CDC25A: variants seen among roughly 807,000 people sequenced by gnomAD.
The protein encoded by CDC25A is cell division cycle 25A.
A neutral mutation model predicts 64.6 loss-of-function variants in CDC25A; 17 were observed. The ratio of observed to expected loss-of-function variants is 0.26; its 90% CI spans 0.18 to 0.39. The LOEUF (loss-of-function observed/expected upper bound fraction) is 0.39. Ranked by LOEUF, CDC25A falls within the 10% of genes least tolerant of loss-of-function variation. The pLI is 1.00. For missense variants in CDC25A, 473 were observed against 654.8 expected, an observed-to-expected ratio of 0.72 and a Z score of 3.03; for synonymous variants, 229 against 238.6, an observed-to-expected ratio of 0.96 and a Z score of 0.37.
At chr3:48,180,862 T>G in intron 5 of CDC25A, 22 bp from the exon 6 acceptor site, 6 of 1,612,954 alleles carry the variant, frequency 3.7e-6, no homozygotes, top group Non-Finnish European at 5.1e-6. Context: ...AGTTGAGACA[T>G]CTACTGTCCA....
At chr3:48,170,594 C>G (rs2032230419) in intron 9 of CDC25A, among the ~76,000 whole-genome samples, 1 of 152,182 alleles carries the variant, frequency 6.6e-6, no homozygotes, top group Non-Finnish European at 1.5e-5. Context: ...TGAACCCTGT[C>G]CTTTCAAGGT....
At chr3:48,160,796 G>A (rs1418596416) in intron 13 of CDC25A, among the ~76,000 whole-genome samples, 1 of 152,118 alleles carries the variant, frequency 6.6e-6, no homozygotes, top group Admixed American at 6.6e-5. Context: ...GCCTTTGTTA[G>A]CTGCTCATGA....
intron 12 of CDC25A, among the ~76,000 whole-genome samples, chr3:48,165,172 CCCAACACGCCCCTCCACCAG>C (rs2031955026): frequency 2.0e-5 from 3 of 150,522 alleles, no homozygotes; most frequent in East Asian, 3.9e-4. Context: ...GAACGTGTGT[CCCAACACGCCCCTCCACCAG>C]GCAGCTTGCT....
At chr3:48,187,341 G>A (rs1171998987) in intron 1 of CDC25A, among the ~76,000 whole-genome samples, 2 of 152,208 alleles carry the variant, frequency 1.3e-5, no homozygotes, top group African/African-American at 4.8e-5. Context: ...ATAAACGCCA[G>A]GAAAGAAAAT....
At chr3:48,180,974 G>C in intron 5 of CDC25A, 134 bp from the exon 6 acceptor site, 2 of 727,160 alleles carry the variant, frequency 2.8e-6, no homozygotes, top group Admixed American at 2.6e-5. Context: ...TCCAACAATA[G>C]ATCTGCGTAA....
Position 48,160,206 on chromosome 3 carries a change from G to A in CDC25A, c.1323-751C>T, listed in dbSNP as rs529513938. 4.6e-5 allele frequency among the ~76,000 whole-genome samples: 7 copies of A among 152,190 alleles called. No individual in the cohort carries two copies. The East Asian group carries it at 5.8e-4, about 13-fold the overall frequency. ...AGGCTCACTGCAATCTCCGTCTCCCGGGTTCAAGCAATTCTCCTGCCTCAG... is the reference window on the plus strand; with the variant it reads ...AGGCTCACTGCAATCTCCGTCTCCCAGGTTCAAGCAATTCTCCTGCCTCAG... On this transcript the variant is annotated intron_variant, in intron 13 of 14. Transcript: ENST00000302506.
chr3:48,162,225 A>C (rs2031797767), intron 13 of CDC25A, among the ~76,000 whole-genome samples: 1 of 151,952 alleles, frequency 6.6e-6, no homozygotes, highest in African/African-American at 2.4e-5. Context: ...CAAAATGTTA[A>C]AAATTAATAA....
Position 48,188,202 on chromosome 3 carries a change from C to T in CDC25A, c.-255G>A. On this transcript the variant is annotated 5_prime_UTR_variant, in exon 1 of 15. Coordinates refer to ENST00000302506, the MANE Select transcript of CDC25A (RefSeq NM_001789.3). Reference sequence around the variant, plus strand: ...TCACACCGCGAGGCCAGCGGGCGGGCGGGCGCCGGCAACCTGAAGATTAAA... The same window carrying T: ...TCACACCGCGAGGCCAGCGGGCGGGTGGGCGCCGGCAACCTGAAGATTAAA... 3.0e-6 allele frequency: 1 copy of T among 330,330 alleles called. No homozygotes were observed. Among genetic ancestry groups the T allele is most frequent in the Non-Finnish European group, 5.5e-6 (1 of 183,016 alleles). The allele number at this position is 330,330 out of a possible 1,614,324, so 20.5% of individuals were successfully genotyped here. A position where few individuals can be genotyped will look rare whatever the true frequency, so the allele number is the denominator to read the frequency against.
chr3:48,177,419 G>A lies in CDC25A; in HGVS notation c.708C>T (p.Cys236=). The A allele has an allele frequency of 6.2e-7, 1 of 1,613,808 alleles. No individual in the cohort carries two copies. The highest frequency in any genetic ancestry group is 2.2e-5 in the East Asian group (1 of 44,884). ...NLKNEEETPS[C]MASLWTAPLV... is the part of the protein sequence containing the mutation. ...GAGGAGCTGTCCAGAGGCTTGCCATGCACGAGGGGGTCTCCTCCTCATTCT... is the reference window on the plus strand; with the variant it reads ...GAGGAGCTGTCCAGAGGCTTGCCATACACGAGGGGGTCTCCTCCTCATTCT... The change falls in exon 8 of 15, where the codon TGC becomes TGT. Residue 236 remains cysteine, a synonymous_variant. Coordinates refer to ENST00000302506, the MANE Select transcript of CDC25A (RefSeq NM_001789.3).
chr3:48,159,278 G>A (rs2031649698), intron 14 of CDC25A, 66 bp downstream of exon 14: 6 of 1,348,212 alleles, frequency 4.5e-6, no homozygotes, highest in Non-Finnish European at 5.3e-6. Context: ...ATGACCACCA[G>A]ACAGATCCAT....
At chr3:48,159,566 A>T in intron 13 of CDC25A, 111 bp from the exon 14 acceptor site, 1 of 692,570 alleles carries the variant, frequency 1.4e-6, no homozygotes. Flanking sequence ...ACATCTTCCC[A>T]ACTTGACATT....
At chr3:48,174,568 T>C in intron 8 of CDC25A, 111 bp from the exon 9 acceptor site, 1 of 1,054,432 alleles carries the variant, frequency 9.5e-7, no homozygotes, top group Non-Finnish European at 1.4e-6. Flanking sequence ...AATTCTAAAT[T>C]AGCCAACAGA....
Position 48,167,925 on chromosome 3 carries a change from G to T in CDC25A, c.950C>A (p.Ser317Tyr), listed in dbSNP as rs141219026. 13 of 1,602,280 alleles carry T rather than the reference G, an allele frequency of 8.1e-6. No individual in the cohort carries two copies. In the East Asian group the frequency reaches 2.9e-4, roughly 36 times the overall value. ...GGTTCCTTTGGGGGAAGATGCCAGG[G>T]ATAAAGACTGATGAAGAGTCTGTAA... ...KAHETLHQSL[S>Y]LASSPKGTIE... The change falls in exon 10 of 15, where the codon TCC becomes TAC. Residue 317 changes from serine to tyrosine, a missense_variant. Transcript: ENST00000302506.
chr3:48,180,506 C>A (rs1490498791), intron 6 of CDC25A: 1 of 472,696 alleles, frequency 2.1e-6, no homozygotes, highest in African/African-American at 1.9e-5. Context: ...TTGCACAACT[C>A]CAATATTTCA....
chr3:48,158,574 A>G lies in CDC25A; in HGVS notation c.*371T>C, dbSNP rs747577309. 3.9e-5 allele frequency: 7 copies of G among 177,306 alleles called. No individual in the cohort carries two copies. Among genetic ancestry groups the G allele is most frequent in the Admixed American group, 1.2e-4 (2 of 16,796 alleles). 11.0% of individuals were successfully genotyped at this position (177,306 alleles called of 1,614,324 possible). On this transcript the variant is annotated 3_prime_UTR_variant, in exon 15 of 15. Transcript: ENST00000302506. ...CCCAGGTTGTCTTTGCTATTTGGCC[A>G]GCAGCATTTCTGTGTAACTTCTCTA...
intron 13 of CDC25A, among the ~76,000 whole-genome samples, chr3:48,161,885 A>G (rs1437963962): frequency 6.6e-6 from 1 of 151,998 alleles, no homozygotes; most frequent in Non-Finnish European, 1.5e-5. Context: ...ATGTAGCAAA[A>G]CCCCGTCTCT....
chr3:48,185,414 C>A (rs1247621846), intron 2 of CDC25A, among the ~76,000 whole-genome samples: 1 of 142,168 alleles, frequency 7.0e-6, no homozygotes, highest in African/African-American at 2.7e-5. Flanking sequence ...CAGAGCAAGA[C>A]CCTGTCTCAA....
At chr3:48,187,703 G>T (rs2032894027) in intron 1 of CDC25A, 75 bp downstream of exon 1, 1 of 1,403,500 alleles carries the variant, frequency 7.1e-7, no homozygotes, top group Non-Finnish European at 9.6e-7. Context: ...CTCCCGGTCC[G>T]TTTCCTGGCC....
rs2032923202 is a variant in CDC25A, at chr3:48,188,250, G to T, written c.-303C>A. ...AAATCCAAACAAACGTGGCGGGTCG[G>T]CAAGAGAAGCCGGGCGAGAGCCTCG... is the stretch of plus-strand genomic sequence containing the variant. On this transcript the variant is annotated 5_prime_UTR_variant, in exon 1 of 15. Coordinates refer to ENST00000302506, the MANE Select transcript of CDC25A (RefSeq NM_001789.3). 2 of 260,294 alleles carry T rather than the reference G, an allele frequency of 7.7e-6. No individual in the cohort carries two copies. Among genetic ancestry groups the T allele is most frequent in the Non-Finnish European group, 1.4e-5 (2 of 138,602 alleles). The allele number at this position is 260,294 out of a possible 1,614,324, so 16.1% of individuals were successfully genotyped here.
Sources: allele counts gnomAD v4.1 joint callset (sites outside exome capture counted in the v4.1 genomes callset), GRCh38; gene constraint gnomAD v4.1.1; transcripts MANE v1.5; gene names NCBI Gene and HGNC (gene_info 2026-07-23, HGNC 2026-07-21).